The following TMEM61 variants were observed in gnomAD, a reference collection of about 807,000 sequenced individuals.
The protein encoded by TMEM61 is transmembrane protein 61.
In TMEM61, 13 loss-of-function variants were observed where a neutral mutation model predicts 12.0. The observed-to-expected ratio is 1.08, with a 90% confidence interval of 0.70 to 1.72. The LOEUF (loss-of-function observed/expected upper bound fraction) is 1.72, where lower values mean the gene tolerates loss of function less well. Among genes scored for constraint, TMEM61 ranks in the 40% most tolerant of loss-of-function variants. The probability of loss-of-function intolerance (pLI) is 0.00; values close to 1 mark genes in which losing one functional copy is unlikely to be tolerated. For missense variants in TMEM61, 249 were observed against 276.9 expected, an observed-to-expected ratio of 0.90 and a Z score of 0.71; for synonymous variants, 109 against 121.4, an observed-to-expected ratio of 0.90 and a Z score of 0.67.
intron 2 of TMEM61, among the ~76,000 whole-genome samples, chr1:54,987,466 C>A (rs2101635949): frequency 6.6e-6 from 1 of 152,142 alleles, no homozygotes; most frequent in East Asian, 1.9e-4. Flanking sequence ...ATTGTAACAC[C>A]CCAGATACAC....
chr1:54,986,060 G>A (rs1644255548), intron 1 of TMEM61, 37 bp from the exon 2 acceptor site: 2 of 1,532,468 alleles, frequency 1.3e-6, no homozygotes, highest in Non-Finnish European at 1.8e-6. Context: ...CCTTTCATAT[G>A]GCCCATTTCC....
At chr1:54,981,269 C>G (rs568318009) in intron 1 of TMEM61, among the ~76,000 whole-genome samples, 189 bp downstream of exon 1, 2 of 152,204 alleles carry the variant, frequency 1.3e-5, no homozygotes, top group Non-Finnish European at 2.9e-5. Context: ...AATTGGGGAA[C>G]AAGAACAAAT....
intron 1 of TMEM61, among the ~76,000 whole-genome samples, chr1:54,983,109 GTT>G (rs780127208): frequency 9.1e-6 from 1 of 109,520 alleles, no homozygotes; most frequent in African/African-American, 3.2e-5. Flanking sequence ...GTTTTGCTTT[GTT>G]TTTTTTTTTT....
chr1:54,980,734 A>G lies in TMEM61; in HGVS notation c.-332A>G, dbSNP rs1160334619. On this transcript the variant is annotated 5_prime_UTR_variant, in exon 1 of 3. Transcript: ENST00000371268. ...GGTCCCGCGCTCCCCTGGGCGCCCCACGGCAGCCTCAGAGCCCCGCGGGGA... is the reference window on the plus strand; with the variant it reads ...GGTCCCGCGCTCCCCTGGGCGCCCCGCGGCAGCCTCAGAGCCCCGCGGGGA... 3 of 274,078 alleles carry G rather than the reference A, an allele frequency of 1.1e-5. No individual in the cohort carries two copies. The highest frequency in any genetic ancestry group is 2.0e-5 in the Non-Finnish European group (3 of 147,052). 17.0% of individuals were successfully genotyped at this position (274,078 alleles called of 1,614,324 possible).
intron 1 of TMEM61, among the ~76,000 whole-genome samples, chr1:54,982,113 C>G (rs1196978560): frequency 6.6e-6 from 1 of 152,074 alleles, no homozygotes; most frequent in Non-Finnish European, 1.5e-5. Flanking sequence ...ACCTGCTTTC[C>G]CCTTGCAGGC....
chr1:54,991,761 C>T (rs1644299713), intron 2 of TMEM61, 75 bp from the exon 3 acceptor site: 2 of 1,530,540 alleles, frequency 1.3e-6, no homozygotes, highest in Non-Finnish European at 1.8e-6. Flanking sequence ...TGCCCCCAGC[C>T]TTCCTCACTG....
chr1:54,985,897 CA>C (rs1644254499), intron 1 of TMEM61, among the ~76,000 whole-genome samples, 199 bp from the exon 2 acceptor site: 1 of 152,162 alleles, frequency 6.6e-6, no homozygotes, highest in Admixed American at 6.5e-5. Context: ...GGTGCTGATA[CA>C]TGTTTACCTC....
intron 1 of TMEM61, among the ~76,000 whole-genome samples, chr1:54,983,182 C>T (rs555205842): frequency 2.5e-3 from 355 of 144,706 alleles, no homozygotes; most frequent in African/African-American, 8.9e-3. Context: ...GACGCAATCT[C>T]GGCTCACTGC....
intron 1 of TMEM61, among the ~76,000 whole-genome samples, chr1:54,983,289 T>G (rs943185545): frequency 1.3e-5 from 2 of 151,782 alleles, no homozygotes; most frequent in Non-Finnish European, 2.9e-5. Context: ...AATTGGCTAA[T>G]TTTTGTATTT....
In TMEM61 at chr1:54,991,898, G is replaced by A; in HGVS notation, c.428G>A (p.Gly143Glu). Reference protein sequence around the residue: ...EEAVSFPVAEGPPTPPAYPTE... With the variant: ...EEAVSFPVAEEPPTPPAYPTE... The stretch of plus-strand genomic sequence containing the variant: ...GCCGTGAGCTTCCCAGTGGCCGAGG[G>A]GCCCCCAACACCACCTGCATACCCT... Residue 143 changes from glycine to glutamate, a missense_variant, in exon 3 of 3, where the codon GGG (glycine) becomes GAG (glutamate). Transcript: ENST00000371268. 6.8e-6 allele frequency: 11 copies of A among 1,614,156 alleles called. No individual in the cohort carries two copies. Among genetic ancestry groups the A allele is most frequent in the Admixed American group, 1.7e-5 (1 of 60,024 alleles).
chr1:54,990,759 C>T (rs1231652246), intron 2 of TMEM61, among the ~76,000 whole-genome samples: 9 of 152,264 alleles, frequency 5.9e-5, no homozygotes, highest in East Asian at 1.9e-4. Context: ...ACTTACGTCC[C>T]GGGCGCTGAG....
intron 2 of TMEM61, 31 bp downstream of exon 2, chr1:54,986,477 G>A (rs1644261901): frequency 1.3e-6 from 2 of 1,511,286 alleles, no homozygotes; most frequent in Non-Finnish European, 1.8e-6. Context: ...CAGCGGGTGG[G>A]GACTGCAGGT....
Position 54,986,099 on chromosome 1 carries a change from G to A in TMEM61, c.18G>A (p.Met6Ile). Residue 6 changes from methionine to isoleucine, a missense_variant and splice_region_variant, in exon 2 of 3, where the codon ATG becomes ATA. Met to Ile is a conservative substitution (Grantham distance 10). Coordinates refer to ENST00000371268, the MANE Select transcript of TMEM61 (RefSeq NM_182532.3). MALPQ[M>I]CDGSHLASTL... ...TCTCCCTCCTTCTCTGTGTCCAGAT[G>A]TGTGACGGGAGCCACTTGGCCTCCA... 1 of 1,581,812 alleles carries A rather than the reference G, an allele frequency of 6.3e-7. No homozygotes were observed. The highest frequency in any genetic ancestry group is 1.2e-5 in the South Asian group (1 of 86,334).
chr1:54,984,918 A>G (rs747202636), intron 1 of TMEM61, among the ~76,000 whole-genome samples: 2 of 152,162 alleles, frequency 1.3e-5, no homozygotes, highest in African/African-American at 2.4e-5. Context: ...TCCGCCTCCT[A>G]CATCTGTGTG....
At chr1:54,991,744 A>G in intron 2 of TMEM61, 92 bp from the exon 3 acceptor site, 1 of 1,436,124 alleles carries the variant, frequency 7.0e-7, no homozygotes, top group South Asian at 1.3e-5. Flanking sequence ...GGGTGTGAAG[A>G]CTTCTCTGCC....
In TMEM61 at chr1:54,980,823, G is replaced by A; in HGVS notation, c.-243G>A. 1 of 394,068 alleles carries A rather than the reference G, an allele frequency of 2.5e-6. No individual in the cohort carries two copies. The highest frequency in any genetic ancestry group is 4.5e-6 in the Non-Finnish European group (1 of 224,086). The allele number at this position is 394,068 out of a possible 1,614,324, so 24.4% of individuals were successfully genotyped here. A position where few individuals can be genotyped will look rare whatever the true frequency, so the allele number is the denominator to read the frequency against. On this transcript the variant is annotated 5_prime_UTR_variant, in exon 1 of 3. Transcript: ENST00000371268. ...GCTCGGTCCCTGCGCACCGGGTGCG[G>A]GCGGCGGAGAGGGCGCGGCTGGTGA...
rs149361095 is a variant in TMEM61 at position 54,992,049 on chromosome 1, G to A, written c.579G>A (p.Pro193=). ...ATGCCGTTTCTGCGGAGACGACACC[G>A]AGTGCCACACGCTCCTGCTCAGGCC... is the stretch of plus-strand genomic sequence containing the variant. ...ALDAVSAETT[P]SATRSCSGLV... Residue 193 remains proline, a synonymous_variant, in exon 3 of 3, where the codon CCG becomes CCA. Transcript: ENST00000371268. 2,025 of 1,613,446 alleles carry A rather than the reference G, an allele frequency of 1.3e-3. 7 individuals are homozygous for A. The highest frequency in any genetic ancestry group is 1.3e-3 in the South Asian group (119 of 91,084).
At chr1:54,981,389 G>A (rs942680096) in intron 1 of TMEM61, among the ~76,000 whole-genome samples, 6 of 152,188 alleles carry the variant, frequency 3.9e-5, no homozygotes, top group Non-Finnish European at 8.8e-5. Context: ...AGGCCGAGGC[G>A]GGCTGATAAC....
Position 54,980,654 on chromosome 1 carries a change from G to C in TMEM61, c.-412G>C. On this transcript the variant is annotated 5_prime_UTR_variant, in exon 1 of 3. Transcript: ENST00000371268. ...GCGCTGGACACCTGGAGCTGCCCGA[G>C]GACGCGGAGGAGAGGTGGGGCGGGC... 1 of 172,608 alleles carries C rather than the reference G, an allele frequency of 5.8e-6. No homozygotes were observed. The highest frequency in any genetic ancestry group is 1.2e-5 in the Non-Finnish European group (1 of 81,510). 10.7% of individuals were successfully genotyped at this position (172,608 alleles called of 1,614,324 possible).
Sources: gnomAD v4.1 joint callset for allele counts (sites outside exome capture counted in the v4.1 genomes callset) on GRCh38, gnomAD v4.1.1 for gene constraint, MANE v1.5 for transcripts, NCBI Gene and HGNC (gene_info 2026-07-23, HGNC 2026-07-21) for gene names.